Variants in NAP1L1 observed in about 807,000 individuals in gnomAD.
NAP1L1 encodes the protein nucleosome assembly protein 1-like 1.
Under a neutral mutation model 58.9 loss-of-function variants are expected in NAP1L1, and 9 were observed. The ratio of observed to expected loss-of-function variants is 0.15; its 90% CI spans 0.09 to 0.27. The LOEUF (loss-of-function observed/expected upper bound fraction) is 0.27. Ranked by LOEUF, NAP1L1 falls within the 10% of genes least tolerant of loss-of-function variation. The pLI is 1.00. For synonymous variants in NAP1L1, 130 were observed against 138.3 expected (o/e 0.94, Z 0.42); for missense variants, 302 against 458.8 (o/e 0.66, Z 3.12).
intron 4 of NAP1L1, 51 bp downstream of exon 4, chr12:76,067,320 C>A (rs781210304): frequency 7.3e-7 from 1 of 1,361,934 alleles, no homozygotes; most frequent in Admixed American, 1.8e-5. Flanking sequence ...AATAGATACG[C>A]CTGCAACGTT....
In NAP1L1 at chr12:76,040,506, CATACAT is replaced by C. The variant is rs1948541899; in HGVS notation, c.*7917_*7922del. On this transcript the variant is annotated 3_prime_UTR_variant, in exon 15 of 15. Transcript: ENST00000618691. ...CCACCTGAGAGTAAATATACATACA[CATACAT>C]ATACATACACACACACACACACACA... 6.6e-6 allele frequency: 1 copy of C among 151,828 alleles called. No homozygotes were observed. Among genetic ancestry groups the C allele is most frequent in the South Asian group, 2.1e-4 (1 of 4,826 alleles). The allele number at this position is 151,828 out of a possible 1,614,324, so 9.4% of individuals were successfully genotyped here.
At chr12:76,049,160 T>C (rs762334241) in intron 14 of NAP1L1, 40 bp downstream of exon 14, 1 of 1,557,640 alleles carries the variant, frequency 6.4e-7, no homozygotes. Flanking sequence ...TTACTTTAGC[T>C]ATCTTAAATT....
intron 4 of NAP1L1, among the ~76,000 whole-genome samples, chr12:76,061,878 G>C (rs1443755860): frequency 6.6e-6 from 1 of 152,146 alleles, no homozygotes; most frequent in African/African-American, 2.4e-5. Context: ...ATGGGCTTCT[G>C]GCTTTTCTTG....
At chr12:76,049,346 T>A in intron 13 of NAP1L1, 96 bp from the exon 14 acceptor site, 1 of 1,595,642 alleles carries the variant, frequency 6.3e-7, no homozygotes, top group South Asian at 1.1e-5. Context: ...ACTCTACGGA[T>A]CAACAGATTT....
intron 6 of NAP1L1, chr12:76,059,578 C>T (rs1949305871): frequency 6.7e-6 from 3 of 450,336 alleles, no homozygotes; most frequent in South Asian, 6.0e-5. Flanking sequence ...AAACTTAGAA[C>T]CCATGAAACC....
chr12:76,073,127 T>C (rs1950032806), intron 2 of NAP1L1, among the ~76,000 whole-genome samples: 1 of 152,092 alleles, frequency 6.6e-6, no homozygotes, highest in Non-Finnish European at 1.5e-5. Context: ...TTTTTAATGC[T>C]GAAGACAGAA....
intron 11 of NAP1L1, among the ~76,000 whole-genome samples, chr12:76,051,675 A>G (rs1948837501): frequency 6.6e-6 from 1 of 152,110 alleles, no homozygotes; most frequent in African/African-American, 2.4e-5. Flanking sequence ...TAGGATTTCT[A>G]TTTAATAGAA....
intron 11 of NAP1L1, among the ~76,000 whole-genome samples, chr12:76,052,484 A>G (rs1279539678): frequency 1.3e-5 from 2 of 152,230 alleles, no homozygotes; most frequent in Non-Finnish European, 2.9e-5. Context: ...ATTCAAAAGT[A>G]TTCAGTTTAG....
In NAP1L1 at chr12:76,039,790, ATGAT is replaced by A. The variant is rs1180720818; in HGVS notation, c.*8635_*8638del. The A allele has an allele frequency of 6.6e-6, 1 of 152,346 alleles. No homozygotes were observed. The highest frequency in any genetic ancestry group is 1.5e-5 in the Non-Finnish European group (1 of 68,034). 9.4% of individuals were successfully genotyped at this position (152,346 alleles called of 1,614,324 possible). On this transcript the variant is annotated 3_prime_UTR_variant, in exon 15 of 15. Coordinates refer to ENST00000618691, the MANE Select transcript of NAP1L1 (RefSeq NM_004537.7). ...AGGGAATTAATATTCTCAATCAAGT[ATGAT>A]TAAGGCATTATTTTTATTATCTTAA...
rs547834045 is a variant in NAP1L1, at chr12:76,051,711, C to T, written c.937-1058G>A. 6.6e-5 allele frequency among the ~76,000 whole-genome samples: 10 copies of T among 152,278 alleles called. No homozygotes were observed. In the South Asian group the frequency reaches 2.1e-3, roughly 32 times the overall value. Reference sequence around the variant, plus strand: ...AAGCACAGGGCAAAAGTGGGTCTGACATTATTCACAATTAAAATAATCCCA... The same window carrying T: ...AAGCACAGGGCAAAAGTGGGTCTGATATTATTCACAATTAAAATAATCCCA... On this transcript the variant is annotated intron_variant, in intron 11 of 14. Transcript: ENST00000618691.
chr12:76,047,291 C>T lies in NAP1L1; in HGVS notation c.*1138G>A, dbSNP rs1948628950. On this transcript the variant is annotated 3_prime_UTR_variant, in exon 15 of 15. Transcript: ENST00000618691. ...AACAGAAGCACGGGTAAGTGACATA[C>T]TCATACTTTAAGCAATAAGAATTAG... 6.6e-6 allele frequency: 1 copy of T among 152,318 alleles called. No homozygotes were observed. The highest frequency in any genetic ancestry group is 2.1e-4 in the South Asian group (1 of 4,822). The allele number at this position is 152,318 out of a possible 1,614,324, so 9.4% of individuals were successfully genotyped here.
At chr12:76,054,974 C>T in intron 8 of NAP1L1, 45 bp downstream of exon 8, 1 of 1,387,864 alleles carries the variant, frequency 7.2e-7, no homozygotes, top group Non-Finnish European at 1.0e-6. Flanking sequence ...ATTTATCTAC[C>T]TGTAAGCATG....
Position 76,059,843 on chromosome 12 carries a change from C to T in NAP1L1, c.384G>A (p.Thr128=), listed in dbSNP as rs945104100. 46 of 1,601,966 alleles carry T rather than the reference C, an allele frequency of 2.9e-5. 1 individual carries two copies. In the Admixed American group the frequency reaches 6.5e-4, roughly 22 times the overall value. The change falls in exon 6 of 15, where the codon ACG becomes ACA. Residue 128 remains threonine (T), a synonymous_variant. Coordinates refer to ENST00000618691, the MANE Select transcript of NAP1L1 (RefSeq NM_004537.7). ...CTGGTTTCCATTCACATTCTTCTTC[C>T]GTAGGTTCATAAATTGCATTAATAA... ...FEIINAIYEP[T]EEECEWKPDE... is the part of the protein sequence containing the mutation.
chr12:76,054,958 G>C, intron 8 of NAP1L1, 61 bp downstream of exon 8: 1 of 1,219,724 alleles, frequency 8.2e-7, no homozygotes. Context: ...CTTTTTAAAA[G>C]CTTCTATTTA....
rs1431237193 is a variant in NAP1L1 at position 76,043,714 on chromosome 12, A to T, written c.*4715T>A. The T allele has an allele frequency of 2.0e-5, 3 of 151,898 alleles. No individual in the cohort carries two copies. Among genetic ancestry groups the T allele is most frequent in the Non-Finnish European group, 4.4e-5 (3 of 67,982 alleles). The allele number at this position is 151,898 out of a possible 1,614,324, so 9.4% of individuals were successfully genotyped here. A position where few individuals can be genotyped will look rare whatever the true frequency, so the allele number is the denominator to read the frequency against. On this transcript the variant is annotated 3_prime_UTR_variant, in exon 15 of 15. Transcript: ENST00000618691. ...TGCCTGTATTTCCTCCTGTTCCTCC[A>T]CCTGAACTGCTCACCGTTCAGAGGT...
intron 6 of NAP1L1, chr12:76,057,848 TAAAAC>T: frequency 6.6e-7 from 1 of 1,514,552 alleles, no homozygotes; most frequent in Admixed American, 2.0e-5. Context: ...AGGGGTCAAA[TAAAAC>T]AAAAAAACAA....
chr12:76,049,842 G>T, intron 12 of NAP1L1, 57 bp from the exon 13 acceptor site: 2 of 1,577,840 alleles, frequency 1.3e-6, no homozygotes, highest in Non-Finnish European at 8.7e-7. Context: ...TTTCAGAGTA[G>T]CATCAGTAAC....
chr12:76,067,864 T>G (rs1311942078), intron 3 of NAP1L1, among the ~76,000 whole-genome samples: 6 of 152,324 alleles, frequency 3.9e-5, no homozygotes, highest in Admixed American at 3.9e-4. Flanking sequence ...GCAAATATAC[T>G]GACAGTTTTA....
chr12:76,060,051 T>C (rs1199060443), intron 5 of NAP1L1, 87 bp downstream of exon 5: 15 of 1,418,966 alleles, frequency 1.1e-5, no homozygotes, highest in Admixed American at 2.1e-5. Flanking sequence ...ATGAGAGTTC[T>C]AAAGATTAAC....
Sources: allele counts gnomAD v4.1 joint callset (sites outside exome capture counted in the v4.1 genomes callset), GRCh38; gene constraint gnomAD v4.1.1; transcripts MANE v1.5; gene names NCBI Gene and HGNC (gene_info 2026-07-23, HGNC 2026-07-21).